Variants in NEDD4 observed in about 807,000 individuals in gnomAD.
NEDD4 encodes the protein E3 ubiquitin-protein ligase NEDD4.
In NEDD4, 99 loss-of-function variants were observed where a neutral mutation model predicts 144.9. The observed-to-expected ratio is 0.68, with a 90% confidence interval of 0.58 to 0.81. The LOEUF is 0.81. NEDD4 is among the 30% of genes least tolerant of loss of function. The pLI is 0.00. For missense variants in NEDD4, 985 were observed against 1,065.9 expected (o/e 0.92, Z 1.06); for synonymous variants, 318 against 350.6 (o/e 0.91, Z 1.04).
chr15:55,833,973 G>T, intron 26 of NEDD4, 65 bp downstream of exon 26: 1 of 1,133,262 alleles, frequency 8.8e-7, no homozygotes, highest in Non-Finnish European at 1.3e-6. Context: ...AGTTAATCAA[G>T]AGTTGACTTA....
intron 2 of NEDD4, among the ~76,000 whole-genome samples, chr15:55,959,327 G>C (rs56912704): frequency 0.02 from 2,971 of 151,976 alleles, 111 homozygotes; most frequent in African/African-American, 0.069. Context: ...TAATATTATT[G>C]GTTTCCAATT....
In NEDD4 at chr15:55,852,355, G is replaced by A. The variant is rs116572074; in HGVS notation, c.1146+69C>T. ...TATCCAGTGTATCCTACAAAGTGAT[G>A]TAATAGTTTACATAGGGATGTGACA... On this transcript the variant is annotated intron_variant, in intron 13 of 28. Coordinates refer to ENST00000435532, the MANE Select transcript of NEDD4 (RefSeq NM_006154.4). 1,786 of 1,499,482 alleles carry A rather than the reference G, an allele frequency of 1.2e-3. 16 individuals are homozygous for A. In the African/African-American group the frequency reaches 0.022, roughly 19 times the overall value. 92.9% of individuals were successfully genotyped at this position (1,499,482 alleles called of 1,614,324 possible).
At chr15:55,839,973 CAAAAAAAA>C (rs1157411288) in intron 21 of NEDD4, among the ~76,000 whole-genome samples, 48 of 12,086 alleles carry the variant, frequency 4.0e-3, no homozygotes, top group Non-Finnish European at 4.1e-3. Flanking sequence ...CACTCTGTCT[CAAAAAAAA>C]AAAAAAAAAA....
At chr15:55,933,635 G>A (rs1338021552) in intron 4 of NEDD4, among the ~76,000 whole-genome samples, 1 of 151,752 alleles carries the variant, frequency 6.6e-6, no homozygotes, top group Non-Finnish European at 1.5e-5. Flanking sequence ...GTATACATAT[G>A]TAACAAACCT....
chr15:55,857,431 C>T (rs1294679608), intron 11 of NEDD4, among the ~76,000 whole-genome samples: 2 of 152,076 alleles, frequency 1.3e-5, no homozygotes, highest in African/African-American at 4.8e-5. Context: ...CAGGTTCAAG[C>T]AATTCTCTTG....
intron 4 of NEDD4, among the ~76,000 whole-genome samples, chr15:55,930,489 T>C (rs2036758174): frequency 6.6e-6 from 1 of 152,162 alleles, no homozygotes; most frequent in African/African-American, 2.4e-5. Flanking sequence ...TGACCTTCCA[T>C]TCAACTAGTT....
intron 4 of NEDD4, among the ~76,000 whole-genome samples, chr15:55,942,854 T>C (rs141563688): frequency 3.0e-4 from 45 of 152,314 alleles, no homozygotes; most frequent in African/African-American, 8.4e-4. Flanking sequence ...GATGGAAAGA[T>C]AGAATTTCCT....
intron 5 of NEDD4, chr15:55,905,268 G>C (rs2036053025): frequency 2.2e-6 from 1 of 455,812 alleles, no homozygotes; most frequent in Non-Finnish European, 4.4e-6. Flanking sequence ...CTCCTGATTT[G>C]TCACTAACCA....
At chr15:55,963,609 C>G (rs188365134) in intron 2 of NEDD4, among the ~76,000 whole-genome samples, 4 of 152,212 alleles carry the variant, frequency 2.6e-5, no homozygotes, top group Admixed American at 6.5e-5. Flanking sequence ...CAATATAAAT[C>G]CTAAAAAACA....
chr15:55,946,739 T>C (rs568026822), intron 4 of NEDD4, among the ~76,000 whole-genome samples: 3 of 152,214 alleles, frequency 2.0e-5, no homozygotes, highest in Admixed American at 6.5e-5. Context: ...TATTCCAAAA[T>C]TGACCACATA....
chr15:55,886,895 G>A (rs1217751939), intron 5 of NEDD4, among the ~76,000 whole-genome samples: 1 of 152,036 alleles, frequency 6.6e-6, no homozygotes, highest in Non-Finnish European at 1.5e-5. Context: ...CTGAATGAAT[G>A]AACAGTGGGT....
At chr15:55,926,501 G>C (rs1228050696) in intron 4 of NEDD4, among the ~76,000 whole-genome samples, 2 of 152,168 alleles carry the variant, frequency 1.3e-5, no homozygotes, top group Admixed American at 6.5e-5. Flanking sequence ...CGGATGTGCT[G>C]GTTCACACCT....
At chr15:55,955,305 T>C (rs1038054424) in intron 2 of NEDD4, among the ~76,000 whole-genome samples, 3 of 152,164 alleles carry the variant, frequency 2.0e-5, no homozygotes, top group South Asian at 2.1e-4. Context: ...TTATAGGTTA[T>C]AGGCATCAGC....
intron 1 of NEDD4, among the ~76,000 whole-genome samples, chr15:55,983,309 C>CGCGT (rs1171911286): frequency 2.0e-5 from 3 of 152,076 alleles, no homozygotes; most frequent in Non-Finnish European, 2.9e-5. Flanking sequence ...TGCGTGCGCG[C>CGCGT]GCGTGCGTGC....
At chr15:55,892,763 T>C (rs2035613934) in intron 5 of NEDD4, among the ~76,000 whole-genome samples, 1 of 152,148 alleles carries the variant, frequency 6.6e-6, no homozygotes. Flanking sequence ...GCAGCTTGCT[T>C]TCCCCCCTTC....
At chr15:55,835,990 C>T (rs1038696604) in intron 24 of NEDD4, among the ~76,000 whole-genome samples, 4 of 152,174 alleles carry the variant, frequency 2.6e-5, no homozygotes, top group African/African-American at 7.2e-5. Flanking sequence ...CTGTTAGCTC[C>T]GCAGGCTGAT....
intron 7 of NEDD4, among the ~76,000 whole-genome samples, chr15:55,870,166 A>G (rs2034732229): frequency 6.6e-6 from 1 of 152,240 alleles, no homozygotes; most frequent in Admixed American, 6.5e-5. Flanking sequence ...TCCAGAGGTC[A>G]TGCAAAATCA....
rs535297662 is a variant in NEDD4 at position 55,947,981 on chromosome 15, G to T, written c.237+3395C>A. On this transcript the variant is annotated intron_variant, in intron 4 of 28. Coordinates refer to ENST00000435532, the MANE Select transcript of NEDD4 (RefSeq NM_006154.4). ...ATCAGGCAGGAAAAAGAAATAAAGG[G>T]TATTCAATTAGGAAAAGAGGAAGTC... 7.2e-5 allele frequency among the ~76,000 whole-genome samples: 11 copies of T among 152,232 alleles called. No homozygotes were observed. In the East Asian group the frequency reaches 2.1e-3, roughly 29 times the overall value.
At chr15:55,837,283 A>G (rs2033251597) in intron 24 of NEDD4, among the ~76,000 whole-genome samples, 1 of 152,016 alleles carries the variant, frequency 6.6e-6, no homozygotes, top group South Asian at 2.1e-4. Context: ...TACAAAAATT[A>G]GCCAGGCGTG....
Sources: gnomAD v4.1 joint callset for allele counts (sites outside exome capture counted in the v4.1 genomes callset) on GRCh38, gnomAD v4.1.1 for gene constraint, MANE v1.5 for transcripts, NCBI Gene and HGNC (gene_info 2026-07-23, HGNC 2026-07-21) for gene names.